The following XYLT1 variants were observed in gnomAD, a reference collection of about 807,000 sequenced individuals.
XYLT1 encodes the protein beta-D-xylosyltransferase 1.
Under a neutral mutation model 91.3 loss-of-function variants are expected in XYLT1, and 36 were observed. That is an observed-to-expected ratio of 0.39 (90% CI 0.30 to 0.52). The LOEUF (loss-of-function observed/expected upper bound fraction) is 0.52, where lower values mean the gene tolerates loss of function less well. Ranked by LOEUF, XYLT1 falls within the 20% of genes least tolerant of loss-of-function variation. The pLI, the probability that XYLT1 is intolerant of heterozygous loss-of-function variation, is 0.68. For missense variants in XYLT1, 1,242 were observed against 1,284.5 expected, an observed-to-expected ratio of 0.97 and a Z score of 0.51; for synonymous variants, 588 against 532.0, an observed-to-expected ratio of 1.11 and a Z score of -1.45.
At chr16:17,320,838 G>GTTTTTTTTTT in intron 2 of XYLT1, among the ~76,000 whole-genome samples, 1 of 123,538 alleles carries the variant, frequency 8.1e-6, no homozygotes. Flanking sequence ...CGGAAATGAG[G>GTTTTTTTTTT]TTAATGATAA....
At chr16:17,460,670 A>T (rs980238854) in intron 1 of XYLT1, among the ~76,000 whole-genome samples, 1 of 152,164 alleles carries the variant, frequency 6.6e-6, no homozygotes, top group African/African-American at 2.4e-5. Flanking sequence ...CTGCAGTATC[A>T]CCATTCCTCA....
At chr16:17,334,180 G>A (rs912616089) in intron 2 of XYLT1, among the ~76,000 whole-genome samples, 1 of 152,142 alleles carries the variant, frequency 6.6e-6, no homozygotes, top group Non-Finnish European at 1.5e-5. Flanking sequence ...TCAGAACTGT[G>A]AGCAATACAT....
intron 6 of XYLT1, among the ~76,000 whole-genome samples, chr16:17,150,394 C>G (rs1317252103): frequency 2.0e-5 from 3 of 152,178 alleles, no homozygotes; most frequent in Non-Finnish European, 4.4e-5. Flanking sequence ...AGGCTCTGCT[C>G]TATGCACTGA....
chr16:17,196,944 G>C (rs1286197349), intron 5 of XYLT1, among the ~76,000 whole-genome samples: 1 of 150,214 alleles, frequency 6.7e-6, no homozygotes, highest in East Asian at 1.9e-4. Flanking sequence ...CTGGTGGGTG[G>C]AGGCTGCAGC....
chr16:17,259,457 T>G lies in XYLT1; in HGVS notation c.444A>C (p.Thr148=). 6.2e-7 allele frequency: 1 copy of G among 1,612,530 alleles called. No individual in the cohort carries two copies. The highest frequency in any genetic ancestry group is 8.5e-7 in the Non-Finnish European group (1 of 1,179,338). ...GGACAGAGTTCTCGTTGTTGCTGTC[T>G]GTTCGCACTTTCTCTTTCGGCCGAT... is the stretch of plus-strand genomic sequence containing the variant. ...FSHRPKEKVR[T]DSNNENSVPK... Residue 148 remains threonine (T), a synonymous_variant, in exon 3 of 12, where the codon ACA becomes ACC. Transcript: ENST00000261381.
intron 1 of XYLT1, among the ~76,000 whole-genome samples, chr16:17,418,683 A>G (rs1175647592): frequency 6.6e-6 from 1 of 152,140 alleles, no homozygotes. Context: ...CCCTGTCTCT[A>G]CAAAAAATAC....
At chr16:17,335,267 C>T (rs1253204349) in intron 2 of XYLT1, among the ~76,000 whole-genome samples, 1 of 151,864 alleles carries the variant, frequency 6.6e-6, no homozygotes, top group East Asian at 1.9e-4. Flanking sequence ...ACCTACTGGC[C>T]ACCTGGAACA....
chr16:17,422,559 G>C (rs1010552788), intron 1 of XYLT1, among the ~76,000 whole-genome samples: 2 of 152,038 alleles, frequency 1.3e-5, no homozygotes, highest in African/African-American at 4.8e-5. Flanking sequence ...ACCCAGGCTG[G>C]AGTGCAGTAG....
intron 10 of XYLT1, among the ~76,000 whole-genome samples, chr16:17,125,995 C>G (rs1341492438): frequency 6.6e-6 from 1 of 152,216 alleles, no homozygotes; most frequent in Non-Finnish European, 1.5e-5. Context: ...GTACAAGGCC[C>G]TGGGATAGTG....
intron 1 of XYLT1, among the ~76,000 whole-genome samples, chr16:17,422,078 G>A (rs867615467): frequency 2.6e-5 from 4 of 152,188 alleles, no homozygotes; most frequent in Middle Eastern, 6.8e-3. Context: ...TGCCTCCCGG[G>A]TTCACGCCAT....
intron 2 of XYLT1, among the ~76,000 whole-genome samples, chr16:17,316,873 G>A (rs2034641396): frequency 6.7e-6 from 1 of 149,592 alleles, no homozygotes; most frequent in African/African-American, 2.5e-5. Flanking sequence ...CCAGGCTGGA[G>A]TGCAGTGGCG....
intron 2 of XYLT1, among the ~76,000 whole-genome samples, chr16:17,343,603 T>C (rs2035096756): frequency 6.6e-6 from 1 of 152,156 alleles, no homozygotes; most frequent in Non-Finnish European, 1.5e-5. Flanking sequence ...CCCGAGTAGC[T>C]GGGACTAAAA....
At chr16:17,125,736 CTGTT>C (rs2030239164) in intron 10 of XYLT1, among the ~76,000 whole-genome samples, 1 of 152,078 alleles carries the variant, frequency 6.6e-6, no homozygotes, top group South Asian at 2.1e-4. Flanking sequence ...ATTAGCTGAG[CTGTT>C]TGTTTTTGTT....
At chr16:17,424,867 CAAA>C (rs57342754) in intron 1 of XYLT1, among the ~76,000 whole-genome samples, 12 of 76,152 alleles carry the variant, frequency 1.6e-4, no homozygotes, top group South Asian at 4.5e-4. Flanking sequence ...GACTCCATCT[CAAA>C]AAAAAAAAAA....
At chr16:17,237,232 A>G (rs1023582367) in intron 3 of XYLT1, among the ~76,000 whole-genome samples, 1 of 152,210 alleles carries the variant, frequency 6.6e-6, no homozygotes, top group African/African-American at 2.4e-5. Flanking sequence ...TTACATTATT[A>G]TTATTTGAAG....
chr16:17,288,269 C>T (rs1375555617), intron 2 of XYLT1, among the ~76,000 whole-genome samples: 2 of 151,116 alleles, frequency 1.3e-5, no homozygotes, highest in Non-Finnish European at 2.9e-5. Context: ...ACAGTTACTC[C>T]TCCCTTCTCC....
chr16:17,377,189 A>ACACACACACACACCCACACACACAC (rs1312638576), intron 1 of XYLT1, among the ~76,000 whole-genome samples: 1 of 152,106 alleles, frequency 6.6e-6, no homozygotes, highest in African/African-American at 2.4e-5. Context: ...ACACACACAC[A>ACACACACACACACCCACACACACAC]AAATTAGGTA....
intron 3 of XYLT1, among the ~76,000 whole-genome samples, chr16:17,221,214 C>T (rs563751368): frequency 1.1e-4 from 17 of 152,284 alleles, no homozygotes; most frequent in African/African-American, 3.9e-4. Flanking sequence ...CTACGGGAAG[C>T]TGACTGATTG....
At chr16:17,379,143 G>A (rs1242016649) in intron 1 of XYLT1, among the ~76,000 whole-genome samples, 2 of 152,212 alleles carry the variant, frequency 1.3e-5, no homozygotes, top group African/African-American at 2.4e-5. Context: ...TCTTCCTGCA[G>A]GATGTCAGCC....
Sources: gnomAD v4.1 joint callset for allele counts (sites outside exome capture counted in the v4.1 genomes callset) on GRCh38, gnomAD v4.1.1 for gene constraint, MANE v1.5 for transcripts, NCBI Gene and HGNC (gene_info 2026-07-23, HGNC 2026-07-21) for gene names.